The following RPS6KC1 variants were observed in gnomAD, a reference collection of about 807,000 sequenced individuals.
RPS6KC1 encodes the protein inactive ribosomal protein S6 kinase delta-1.
A neutral mutation model predicts 103.8 loss-of-function variants in RPS6KC1; 54 were observed. The ratio of observed to expected loss-of-function variants is 0.52; its 90% CI spans 0.42 to 0.65. RPS6KC1 has a LOEUF of 0.65. Ranked by LOEUF, RPS6KC1 falls within the 30% of genes least tolerant of loss-of-function variation. The probability of loss-of-function intolerance (pLI) is 0.00; values close to 1 mark genes in which losing one functional copy is unlikely to be tolerated. For synonymous variants in RPS6KC1, 439 were observed against 438.7 expected (o/e 1.00, Z -0.01); for missense variants, 1,151 against 1,253.8 (o/e 0.92, Z 1.24).
intron 1 of RPS6KC1, among the ~76,000 whole-genome samples, chr1:213,067,233 C>G (rs185511417): frequency 4.6e-5 from 7 of 152,316 alleles, no homozygotes; most frequent in Non-Finnish European, 1.5e-5. Context: ...GTTACCGGTG[C>G]GGATCCTCAA....
At chr1:213,721,981 C>T in the RPS6KC1 span, among the ~76,000 whole-genome samples, 130 of 152,292 alleles carry the variant, frequency 8.5e-4, no homozygotes, top group Non-Finnish European at 2.6e-4. Flanking sequence ...CTTTCCTCTA[C>T]TGAGAAAAGC....
chr1:213,437,944 CTTT>C, the RPS6KC1 span, among the ~76,000 whole-genome samples: 74 of 151,718 alleles, frequency 4.9e-4, 1 homozygote, highest in South Asian at 0.012. Context: ...TTCTGATTTT[CTTT>C]TTTATTTCTT....
At chr1:213,080,156 G>A (rs1309594012) in intron 3 of RPS6KC1, among the ~76,000 whole-genome samples, 1 of 150,076 alleles carries the variant, frequency 6.7e-6, no homozygotes, top group Non-Finnish European at 1.5e-5. Flanking sequence ...GACCTCAGGT[G>A]ATCTGGCCTC....
At chr1:213,412,897 C>T in the RPS6KC1 span, among the ~76,000 whole-genome samples, 1 of 152,252 alleles carries the variant, frequency 6.6e-6, no homozygotes, top group Non-Finnish European at 1.5e-5. Flanking sequence ...TCCCCCCAGC[C>T]ACAGTGCTCT....
chr1:213,798,299 G>A, the RPS6KC1 span, among the ~76,000 whole-genome samples: 1 of 152,216 alleles, frequency 6.6e-6, no homozygotes, highest in East Asian at 1.9e-4. Context: ...AAAAAGTGAA[G>A]TCGCATGACA....
intron 8 of RPS6KC1, among the ~76,000 whole-genome samples, chr1:213,187,065 C>T (rs2092562469): frequency 6.6e-6 from 1 of 151,946 alleles, no homozygotes; most frequent in Admixed American, 6.6e-5. Context: ...TGCCAACATA[C>T]CTGGCTAATT....
At chr1:213,277,715 T>A (rs545916803), downstream of RPS6KC1, among the ~76,000 whole-genome samples, 5 of 152,346 alleles carry the variant, frequency 3.3e-5, no homozygotes, top group East Asian at 9.6e-4. Context: ...CTGGTACAAC[T>A]GGTAGTTAAG....
the RPS6KC1 span, among the ~76,000 whole-genome samples, chr1:213,363,771 T>TCTC: frequency 1.6e-3 from 89 of 54,056 alleles, 3 homozygotes; most frequent in Admixed American, 5.9e-3. Context: ...TCTTTCTTTC[T>TCTC]TTCTTTCTTT....
At chr1:213,765,788 A>C in the RPS6KC1 span, among the ~76,000 whole-genome samples, 1 of 152,148 alleles carries the variant, frequency 6.6e-6, no homozygotes, top group African/African-American at 2.4e-5. Flanking sequence ...GCACTAAGAA[A>C]CTGGAAACCA....
the RPS6KC1 span, among the ~76,000 whole-genome samples, chr1:213,696,800 A>G: frequency 6.6e-6 from 1 of 152,114 alleles, no homozygotes; most frequent in Non-Finnish European, 1.5e-5. Flanking sequence ...CTAGTCACCA[A>G]AATTTCTCCC....
At chr1:213,363,495 G>A in the RPS6KC1 span, among the ~76,000 whole-genome samples, 1 of 152,218 alleles carries the variant, frequency 6.6e-6, no homozygotes, top group African/African-American at 2.4e-5. Flanking sequence ...AGGGGCTGCT[G>A]CATCTCCAGG....
the RPS6KC1 span, among the ~76,000 whole-genome samples, chr1:213,582,598 T>C: frequency 6.6e-6 from 1 of 152,210 alleles, no homozygotes; most frequent in African/African-American, 2.4e-5. Context: ...TCAACGGGGC[T>C]TCTCGATTTT....
At chr1:213,064,795 A>T (rs1435618541) in intron 1 of RPS6KC1, among the ~76,000 whole-genome samples, 3 of 144,816 alleles carry the variant, frequency 2.1e-5, no homozygotes, top group African/African-American at 7.8e-5. Flanking sequence ...CTCCTGCCTC[A>T]GCCTCCCGAG....
chr1:213,622,296 G>A, the RPS6KC1 span, among the ~76,000 whole-genome samples: 2 of 149,060 alleles, frequency 1.3e-5, no homozygotes, highest in Admixed American at 6.7e-5. Context: ...ACTGTTACAG[G>A]CATGTACTTA....
the RPS6KC1 span, among the ~76,000 whole-genome samples, chr1:213,560,320 A>G: frequency 6.6e-6 from 1 of 152,198 alleles, no homozygotes; most frequent in African/African-American, 2.4e-5. Context: ...TCAGAGACAG[A>G]GAAGTCATAA....
chr1:213,284,502 T>G, the RPS6KC1 span, among the ~76,000 whole-genome samples: 6 of 150,812 alleles, frequency 4.0e-5, no homozygotes, highest in Admixed American at 6.6e-5. Context: ...AGAGCAAGAC[T>G]TGGTCTCAGA....
the RPS6KC1 span, among the ~76,000 whole-genome samples, chr1:213,597,029 T>C: frequency 1.3e-5 from 2 of 152,194 alleles, no homozygotes; most frequent in Admixed American, 1.3e-4. Flanking sequence ...ACCAAGCGAC[T>C]GATTCTGAGG....
chr1:213,300,252 T>C, the RPS6KC1 span, among the ~76,000 whole-genome samples: 1 of 152,184 alleles, frequency 6.6e-6, no homozygotes, highest in African/African-American at 2.4e-5. Context: ...TTCTTTCAGG[T>C]CTTCAGCTGT....
At chr1:213,527,755 A>G in the RPS6KC1 span, among the ~76,000 whole-genome samples, 1 of 152,166 alleles carries the variant, frequency 6.6e-6, no homozygotes, top group Non-Finnish European at 1.5e-5. Flanking sequence ...TGACCCCTAC[A>G]CAGTCAAAAA....
Sources: allele counts gnomAD v4.1 joint callset (sites outside exome capture counted in the v4.1 genomes callset), GRCh38; gene constraint gnomAD v4.1.1; transcripts MANE v1.5; gene names NCBI Gene and HGNC (gene_info 2026-07-23, HGNC 2026-07-21).